Variants in RAB14 observed in about 807,000 individuals in gnomAD.
RAB14 encodes ras-related protein Rab-14.
Under a neutral mutation model 31.1 loss-of-function variants are expected in RAB14, and 3 were observed. The observed-to-expected ratio is 0.10, with a 90% CI of 0.04 to 0.25. The LOEUF (loss-of-function observed/expected upper bound fraction) is 0.25. RAB14 is among the 10% of genes least tolerant of loss of function. RAB14 has a pLI of 1.00. For synonymous variants in RAB14, 85 were observed against 84.9 expected (o/e 1.00, Z 0.00); for missense variants, 111 against 260.1 (o/e 0.43, Z 3.94).
At position 121,180,843 on chromosome 9, in the gene RAB14, T is replaced by G. The variant is rs1393923195; in HGVS notation, c.*553A>C. 6.6e-6 allele frequency: 1 copy of G among 152,632 alleles called. No homozygotes were observed. Among genetic ancestry groups the G allele is most frequent in the African/African-American group, 2.4e-5 (1 of 41,452 alleles). 9.5% of individuals were successfully genotyped at this position (152,632 alleles called of 1,614,324 possible). ...AGAAGATAAATGGATATTTTCCCTGTGTGAGGCTAAGACAGAAGCAAATCT... is the reference window on the plus strand; with the variant it reads ...AGAAGATAAATGGATATTTTCCCTGGGTGAGGCTAAGACAGAAGCAAATCT... On this transcript the variant is annotated 3_prime_UTR_variant, in exon 8 of 8. Transcript: ENST00000373840.
intron 7 of RAB14, among the ~76,000 whole-genome samples, 171 bp from the exon 8 acceptor site, chr9:121,181,744 C>CTTTTTTTTTTTTTTTT (rs3838268): frequency 9.7e-6 from 1 of 102,900 alleles, no homozygotes; most frequent in Non-Finnish European, 2.0e-5. Context: ...AACTATTTTC[C>CTTTTTTTTTTTTTTTT]TTTTTTTTTT....
intron 4 of RAB14, among the ~76,000 whole-genome samples, chr9:121,188,074 C>CA (rs1261116961): frequency 2.6e-5 from 4 of 151,898 alleles, no homozygotes; most frequent in Non-Finnish European, 4.4e-5. Flanking sequence ...ACTCCTTAGT[C>CA]AGACTTTTAT....
At chr9:121,196,526 G>A (rs148987599) in intron 1 of RAB14, among the ~76,000 whole-genome samples, 9 of 152,090 alleles carry the variant, frequency 5.9e-5, no homozygotes, top group South Asian at 4.2e-4. Context: ...TACAGATGAG[G>A]ACACAGACTC....
rs2053610733 is a variant in RAB14, at chr9:121,178,477, A to ATTAT, written c.*2915_*2918dup. ...CCCACATGAAGAGGAATGGAAGGTA[A>ATTAT]TTATTTGGTCTTTTCTTCTGTTTAG... On this transcript the variant is annotated 3_prime_UTR_variant, in exon 8 of 8. Transcript: ENST00000373840. 1 of 151,262 alleles carries ATTAT rather than the reference A, an allele frequency of 6.6e-6. No homozygotes were observed. The highest frequency in any genetic ancestry group is 1.5e-5 in the Non-Finnish European group (1 of 67,212). 9.4% of individuals were successfully genotyped at this position (151,262 alleles called of 1,614,324 possible). A position where few individuals can be genotyped will look rare whatever the true frequency, so the allele number is the denominator to read the frequency against.
Position 121,179,861 on chromosome 9 carries a change from G to A in RAB14, c.*1535C>T, listed in dbSNP as rs1056513927. ...TTTAAACACAGCAGTTGAGCTGAGT[G>A]CATTTTCTATAGTACGCTGAGGTGT... On this transcript the variant is annotated 3_prime_UTR_variant, in exon 8 of 8. Coordinates refer to ENST00000373840, the MANE Select transcript of RAB14 (RefSeq NM_016322.4). The A allele has an allele frequency of 6.6e-6, 1 of 152,550 alleles. No individual in the cohort carries two copies. Among genetic ancestry groups the A allele is most frequent in the African/African-American group, 2.4e-5 (1 of 41,398 alleles). 9.4% of individuals were successfully genotyped at this position (152,550 alleles called of 1,614,324 possible). A position where few individuals can be genotyped will look rare whatever the true frequency, so the allele number is the denominator to read the frequency against.
chr9:121,199,603 T>C (rs969032229), intron 1 of RAB14, among the ~76,000 whole-genome samples: 10 of 152,236 alleles, frequency 6.6e-5, no homozygotes, highest in African/African-American at 4.8e-5. Flanking sequence ...TGTTGCAAAG[T>C]TGAAGTATGC....
intron 1 of RAB14, among the ~76,000 whole-genome samples, chr9:121,195,030 A>G (rs2053707549): frequency 1.3e-5 from 2 of 152,122 alleles, no homozygotes; most frequent in South Asian, 2.1e-4. Context: ...GAGTTTTTCT[A>G]GTTAGATTAA....
intron 1 of RAB14, among the ~76,000 whole-genome samples, chr9:121,196,228 C>T (rs1028466495): frequency 1.3e-5 from 2 of 151,808 alleles, no homozygotes; most frequent in Admixed American, 6.6e-5. Flanking sequence ...ATACAACTAC[C>T]GGGACAATTA....
intron 1 of RAB14, among the ~76,000 whole-genome samples, 158 bp downstream of exon 1, chr9:121,201,481 T>C (rs1198609013): frequency 1.3e-5 from 2 of 151,920 alleles, no homozygotes; most frequent in Non-Finnish European, 2.9e-5. Context: ...GCCGCGGCGC[T>C]CACCGCCGAC....
At chr9:121,197,542 T>C (rs1372335545) in intron 1 of RAB14, among the ~76,000 whole-genome samples, 1 of 152,196 alleles carries the variant, frequency 6.6e-6, no homozygotes, top group African/African-American at 2.4e-5. Flanking sequence ...ACACTAATTA[T>C]TGTTGTGACA....
At chr9:121,192,483 T>G (rs1270625258) in intron 2 of RAB14, among the ~76,000 whole-genome samples, 1 of 152,166 alleles carries the variant, frequency 6.6e-6, no homozygotes, top group African/African-American at 2.4e-5. Context: ...GCTTATTTTT[T>G]TAATGGAATT....
At chr9:121,183,269 A>C in intron 6 of RAB14, 42 bp downstream of exon 6, 1 of 1,507,328 alleles carries the variant, frequency 6.6e-7, no homozygotes, top group Non-Finnish European at 9.1e-7. Context: ...CTTTCCTTAA[A>C]AATTCTCCCA....
chr9:121,192,153 C>T lies in RAB14; in HGVS notation c.106+18G>A. 6.6e-7 allele frequency: 1 copy of T among 1,524,654 alleles called. No individual in the cohort carries two copies. 94.4% of individuals were successfully genotyped at this position (1,524,654 alleles called of 1,614,324 possible). ...GATAAAGAAAACTATTAATGTTTAC[C>T]TCATGTATTGAACTTACATTTTTTT... is the stretch of plus-strand genomic sequence containing the variant. On this transcript the variant is annotated intron_variant, in intron 3 of 7. Transcript: ENST00000373840.
At chr9:121,182,874 T>C in intron 7 of RAB14, 56 bp downstream of exon 7, 2 of 1,484,212 alleles carry the variant, frequency 1.3e-6, no homozygotes, top group Non-Finnish European at 1.9e-6. Context: ...ATATATACGG[T>C]TCTACTTTGA....
At chr9:121,183,179 T>A in intron 6 of RAB14, 132 bp downstream of exon 6, 1 of 815,390 alleles carries the variant, frequency 1.2e-6, no homozygotes, top group Non-Finnish European at 2.0e-6. Flanking sequence ...AACACATTGT[T>A]ACTTCCTCAT....
At chr9:121,184,760 G>A (rs1204720195) in intron 5 of RAB14, among the ~76,000 whole-genome samples, 1 of 152,122 alleles carries the variant, frequency 6.6e-6, no homozygotes, top group Non-Finnish European at 1.5e-5. Flanking sequence ...CCACTGTGAA[G>A]GGGAAGAAAC....
At position 121,182,955 on chromosome 9, in the gene RAB14, A is replaced by T. The variant is rs758719617; in HGVS notation, c.445T>A (p.Leu149Met). 6.2e-7 allele frequency: 1 copy of T among 1,606,196 alleles called. No individual in the cohort carries two copies. The highest frequency in any genetic ancestry group is 8.5e-7 in the Non-Finnish European group (1 of 1,174,330). The change falls in exon 7 of 8, where the codon TTG becomes ATG. Residue 149 changes from leucine (L) to methionine (M), a missense_variant. By Grantham distance (15) the Leu-to-Met change is conservative. Coordinates refer to ENST00000373840, the MANE Select transcript of RAB14 (RefSeq NM_016322.4). ...GTTTTTGCACTCGCTTCGAGGAACA[A>T]TAAGCCTAAAAATAAAATTCAGACT... Reference protein sequence around the residue: ...AKQFAEENGLLFLEASAKTGE... With the variant: ...AKQFAEENGLMFLEASAKTGE...
chr9:121,188,568 T>C (rs1387262541), intron 4 of RAB14, among the ~76,000 whole-genome samples: 1 of 151,722 alleles, frequency 6.6e-6, no homozygotes, highest in African/African-American at 2.4e-5. Context: ...ATACTAGATA[T>C]GTCAAAATGT....
rs1355384193 is a variant in RAB14, at chr9:121,178,304, A to C, written c.*3092T>G. The C allele has an allele frequency of 6.6e-6, 1 of 152,258 alleles. No homozygotes were observed. Among genetic ancestry groups the C allele is most frequent in the African/African-American group, 2.4e-5 (1 of 41,456 alleles). The allele number at this position is 152,258 out of a possible 1,614,324, so 9.4% of individuals were successfully genotyped here. On this transcript the variant is annotated 3_prime_UTR_variant, in exon 8 of 8. Coordinates refer to ENST00000373840, the MANE Select transcript of RAB14 (RefSeq NM_016322.4). ...AAAACTTGATTTCTTTTGTATTTAC[A>C]TTTTTTGTTTCAAGTCTTAGCAAAA...
Sources: gnomAD v4.1 joint callset for allele counts (sites outside exome capture counted in the v4.1 genomes callset) on GRCh38, gnomAD v4.1.1 for gene constraint, MANE v1.5 for transcripts, NCBI Gene and HGNC (gene_info 2026-07-23, HGNC 2026-07-21) for gene names.